The following DSCAM variants were observed in gnomAD, a reference collection of about 807,000 sequenced individuals.
DSCAM encodes the protein cell adhesion molecule DSCAM.
DSCAM carries 47 observed loss-of-function variants against 217.7 expected under a neutral mutation model. The observed-to-expected ratio is 0.22, with a 90% CI of 0.17 to 0.28. The LOEUF (loss-of-function observed/expected upper bound fraction) is 0.28, where lower values mean the gene tolerates loss of function less well. DSCAM is among the 10% of genes least tolerant of loss of function. The pLI is 1.00. For synonymous variants in DSCAM, 1,056 were observed against 1,015.3 expected (o/e 1.04, Z -0.76); for missense variants, 2,080 against 2,618.3 (o/e 0.79, Z 4.49).
chr21:40,142,562 G>A lies in DSCAM; in HGVS notation c.3402C>T (p.Asp1134=), dbSNP rs1266018375. 7 of 1,613,974 alleles carry A rather than the reference G, an allele frequency of 4.3e-6. No homozygotes were observed. The highest frequency in any genetic ancestry group is 2.2e-5 in the East Asian group (1 of 44,872). The change falls in exon 18 of 33, where the codon GAC becomes GAT. Residue 1134 remains aspartate, a synonymous_variant. Coordinates refer to ENST00000400454, the MANE Select transcript of DSCAM (RefSeq NM_001389.5). ...FRVIYWANLM[D]GELGEIKNIT... The stretch of plus-strand genomic sequence containing the variant: ...GTCCTAGTTTAGTCCTCTTACCTCC[G>A]TCCATGAGGTTGGCCCAGTAAATGA...
At chr21:40,186,759 C>T (rs768309418) in intron 14 of DSCAM, among the ~76,000 whole-genome samples, 1 of 152,134 alleles carries the variant, frequency 6.6e-6, no homozygotes, top group Non-Finnish European at 1.5e-5. Context: ...TCAGGCTCTA[C>T]AAAAGTCACC....
intron 8 of DSCAM, among the ~76,000 whole-genome samples, chr21:40,334,976 C>T (rs1309909214): frequency 6.6e-6 from 1 of 152,072 alleles, no homozygotes; most frequent in Admixed American, 6.5e-5. Context: ...GACTCAGGGC[C>T]TTTTAGTGTT....
intron 1 of DSCAM, among the ~76,000 whole-genome samples, chr21:40,722,685 G>T (rs2090914051): frequency 6.6e-6 from 1 of 152,024 alleles, no homozygotes; most frequent in Admixed American, 6.6e-5. Context: ...AAACCAAATT[G>T]ACCATCACAT....
At chr21:40,682,576 G>GAAGAGAGAAAGAGAGAGAGA (rs1438178145) in intron 3 of DSCAM, among the ~76,000 whole-genome samples, 7 of 61,514 alleles carry the variant, frequency 1.1e-4, no homozygotes, top group Admixed American at 2.4e-4. Flanking sequence ...AATAAAGGTA[G>GAAGAGAGAAAGAGAGAGAGA]AAGAGAGAAA....
chr21:40,060,249 C>T (rs2089094832), intron 28 of DSCAM, among the ~76,000 whole-genome samples: 1 of 152,228 alleles, frequency 6.6e-6, no homozygotes, highest in Non-Finnish European at 1.5e-5. Context: ...AACAGATGGT[C>T]TTGCAACCAC....
intron 1 of DSCAM, among the ~76,000 whole-genome samples, chr21:40,723,521 A>C (rs1601173943): frequency 6.6e-6 from 1 of 152,336 alleles, no homozygotes. Flanking sequence ...TGCAATCTAG[A>C]AGAGGGGCAG....
At chr21:40,536,454 T>C (rs1251336592) in intron 3 of DSCAM, among the ~76,000 whole-genome samples, 2 of 145,724 alleles carry the variant, frequency 1.4e-5, no homozygotes, top group African/African-American at 5.1e-5. Flanking sequence ...CAGGCTGGAG[T>C]GCAGTGGCGC....
chr21:40,178,467 A>G lies in DSCAM; in HGVS notation c.2947+460T>C, dbSNP rs77554839. ...TTTTTAAATATTGATGTTTCTAGTCAATAAAATAATCTGTTCCCCTTCCCA... is the reference window on the plus strand; with the variant it reads ...TTTTTAAATATTGATGTTTCTAGTCGATAAAATAATCTGTTCCCCTTCCCA... On this transcript the variant is annotated intron_variant, in intron 15 of 32. Coordinates refer to ENST00000400454, the MANE Select transcript of DSCAM (RefSeq NM_001389.5). Among the ~76,000 whole-genome samples the G allele has an allele frequency of 6.8e-3, 1,041 of 152,284 alleles. 17 individuals are homozygous for G. The highest frequency in any genetic ancestry group is 0.024 in the African/African-American group (991 of 41,556).
intron 11 of DSCAM, among the ~76,000 whole-genome samples, chr21:40,267,680 T>C (rs1170208291): frequency 6.6e-6 from 1 of 152,146 alleles, no homozygotes; most frequent in African/African-American, 2.4e-5. Context: ...GCAGATCACT[T>C]GAGGTCAGGA....
At chr21:40,327,339 T>C (rs918627311) in intron 8 of DSCAM, among the ~76,000 whole-genome samples, 1 of 152,226 alleles carries the variant, frequency 6.6e-6, no homozygotes, top group Non-Finnish European at 1.5e-5. Flanking sequence ...TTATAAAACA[T>C]AATTTATCTT....
intron 3 of DSCAM, among the ~76,000 whole-genome samples, chr21:40,670,770 G>A (rs2090264240): frequency 1.3e-5 from 2 of 152,174 alleles, no homozygotes; most frequent in Middle Eastern, 3.4e-3. Context: ...ATCTTTTGGC[G>A]ATTGCAAAAA....
chr21:40,411,319 T>C (rs922843517), intron 3 of DSCAM, among the ~76,000 whole-genome samples: 1 of 151,662 alleles, frequency 6.6e-6, no homozygotes, highest in African/African-American at 2.4e-5. Flanking sequence ...ATACAATTAA[T>C]ACAATGAAAT....
chr21:40,305,875 T>A (rs539914998), intron 9 of DSCAM, among the ~76,000 whole-genome samples: 6 of 152,324 alleles, frequency 3.9e-5, no homozygotes, highest in Non-Finnish European at 5.9e-5. Context: ...TCAGGTAGCA[T>A]GATGCCTCCA....
At chr21:40,121,482 A>G (rs778680212) in intron 20 of DSCAM, among the ~76,000 whole-genome samples, 2 of 152,070 alleles carry the variant, frequency 1.3e-5, no homozygotes, top group East Asian at 1.9e-4. Context: ...CTTCACTTCA[A>G]TTAAGATGCT....
At chr21:40,613,153 A>C (rs982566643) in intron 3 of DSCAM, among the ~76,000 whole-genome samples, 2 of 152,234 alleles carry the variant, frequency 1.3e-5, no homozygotes, top group African/African-American at 4.8e-5. Context: ...AAGTGGCTTA[A>C]AAATAAAATT....
chr21:40,271,982 A>C (rs2073623545), intron 11 of DSCAM, among the ~76,000 whole-genome samples: 1 of 152,210 alleles, frequency 6.6e-6, no homozygotes, highest in Non-Finnish European at 1.5e-5. Context: ...AGAAAGGAAT[A>C]GACCTGTCTC....
chr21:40,161,422 T>A (rs554439732), intron 16 of DSCAM, among the ~76,000 whole-genome samples: 217 of 151,844 alleles, frequency 1.4e-3, no homozygotes, highest in Middle Eastern at 0.01. Flanking sequence ...GTTTTTTTTT[T>A]AAAAGCACCA....
At chr21:40,129,304 G>C (rs1568955889) in intron 19 of DSCAM, among the ~76,000 whole-genome samples, 1 of 152,196 alleles carries the variant, frequency 6.6e-6, no homozygotes, top group Non-Finnish European at 1.5e-5. Flanking sequence ...ATGCACATAT[G>C]TCCCTTTTCT....
At chr21:40,161,411 AG>A (rs935507437) in intron 16 of DSCAM, among the ~76,000 whole-genome samples, 1 of 140,974 alleles carries the variant, frequency 7.1e-6, no homozygotes, top group Non-Finnish European at 1.6e-5. Context: ...GAAAGTCCAC[AG>A]TTTTTTTTTT....
Sources: allele counts gnomAD v4.1 joint callset (sites outside exome capture counted in the v4.1 genomes callset), GRCh38; gene constraint gnomAD v4.1.1; transcripts MANE v1.5; gene names NCBI Gene and HGNC (gene_info 2026-07-23, HGNC 2026-07-21).